Variants in MUC5AC observed in about 807,000 individuals in gnomAD.
MUC5AC encodes the protein mucin 5AC, oligomeric mucus/gel-forming.
MUC5AC carries 158 observed loss-of-function variants against 169.7 expected under a neutral mutation model. That is an observed-to-expected ratio of 0.93 (90% confidence interval 0.82 to 1.06). MUC5AC has a LOEUF of 1.06. MUC5AC is among the 50% of genes least tolerant of loss of function. MUC5AC has a pLI of 0.00. For synonymous variants in MUC5AC, 1,975 were observed against 1,237.0 expected (o/e 1.60, Z -12.52); for missense variants, 4,359 against 3,089.9 (o/e 1.41, Z -9.74).
At position 1,189,784 on chromosome 11, in the gene MUC5AC, C is replaced by A; in HGVS notation, c.11639C>A (p.Thr3880Asn). Residue 3880 changes from threonine to asparagine, a missense_variant, in exon 31 of 49, where the codon ACC (threonine) becomes AAC (asparagine). Physicochemically the swap from Thr to Asn is moderately conservative, Grantham distance 65. Coordinates refer to ENST00000621226, the MANE Select transcript of MUC5AC (RefSeq NM_001304359.2). The part of the protein sequence containing the change: ...STISAPTTST[T>N]SFHTTSTTSP... ...ATCTCTGCCCCTACAACCAGCACAA[C>A]CTCTTTCCATACAACCAGCACAACC... The A allele has an allele frequency of 1.4e-6, 1 of 703,042 alleles. No individual in the cohort carries two copies. Among genetic ancestry groups the A allele is most frequent in the Non-Finnish European group, 2.6e-6 (1 of 385,914 alleles). 43.6% of individuals were successfully genotyped at this position (703,042 alleles called of 1,614,324 possible).
At chr11:1,171,266 TCACTCACC>T (rs1860516259) in intron 15 of MUC5AC, among the ~76,000 whole-genome samples, 1 of 82,102 alleles carries the variant, frequency 1.2e-5, no homozygotes, top group Non-Finnish European at 2.6e-5. Context: ...ACTCACCCAC[TCACTCACC>T]CACTCACTCA....
In MUC5AC at chr11:1,161,978, G is replaced by A. The variant is rs749110363; in HGVS notation, c.283G>A (p.Asp95Asn). Reference protein sequence around the residue: ...GSFHYKTFDGDVFRFPGLCNY... With the variant: ...GSFHYKTFDGNVFRFPGLCNY... ...CTTCCACTACAAGACCTTCGACGGC[G>A]ACGTCTTCCGCTTCCCCGGCCTCTG... The change falls in exon 4 of 49, where the codon GAC (aspartate) becomes AAC (asparagine). Residue 95 changes from aspartate (D) to asparagine (N), a missense_variant. Transcript: ENST00000621226. 7 of 1,612,230 alleles carry A rather than the reference G, an allele frequency of 4.3e-6. No homozygotes were observed. Among genetic ancestry groups the A allele is most frequent in the South Asian group, 2.2e-5 (2 of 91,000 alleles).
rs946847277 is a variant in MUC5AC at position 1,181,340 on chromosome 11, C to T, written c.3890C>T (p.Thr1297Met). ...GTCATCTACCACACGACGGATGGCA[C>T]GGGTGGCTGCATCTCCGCCCGCTGC... ...GDVIYHTTDGTGGCISARCGA... is the reference protein window; with the variant it reads ...GDVIYHTTDGMGGCISARCGA... Residue 1297 changes from threonine (T) to methionine (M), a missense_variant, in exon 30 of 49, where the codon ACG becomes ATG. Coordinates refer to ENST00000621226, the MANE Select transcript of MUC5AC (RefSeq NM_001304359.2). 8.7e-4 allele frequency: 346 copies of T among 398,714 alleles called. No homozygotes were observed. Among genetic ancestry groups the T allele is most frequent in the African/African-American group, 6.3e-3 (309 of 48,742 alleles). The allele number at this position is 398,714 out of a possible 1,614,324, so 24.7% of individuals were successfully genotyped here. A position where few individuals can be genotyped will look rare whatever the true frequency, so the allele number is the denominator to read the frequency against.
At chr11:1,164,796 C>G (rs577998956) in intron 9 of MUC5AC, among the ~76,000 whole-genome samples, 1 of 147,904 alleles carries the variant, frequency 6.8e-6, no homozygotes, top group Non-Finnish European at 1.5e-5. Context: ...TGCCCCTGTC[C>G]CGGGCCCCTG....
chr11:1,164,106 G>A lies in MUC5AC; in HGVS notation c.790G>A (p.Gly264Ser). 3 of 1,612,096 alleles carry A rather than the reference G, an allele frequency of 1.9e-6. No homozygotes were observed. Among genetic ancestry groups the A allele is most frequent in the Non-Finnish European group, 2.5e-6 (3 of 1,179,818 alleles). Residue 264 changes from glycine (G) to serine (S), a missense_variant and splice_region_variant, in exon 8 of 49, where the codon GGC becomes AGC. Physicochemically the swap from Gly to Ser is moderately conservative, Grantham distance 56. Transcript: ENST00000621226. ...EPPRNCSTGF[G>S]ICEELLHGQL... is the part of the protein sequence containing the mutation. ...AGACGGGCTGTGGCCTTTGTCCTAG[G>A]GCATCTGTGAGGAGCTCCTGCACGG...
In MUC5AC at chr11:1,164,146, G is replaced by T. The variant is rs754958995; in HGVS notation, c.830G>T (p.Gly277Val). The T allele has an allele frequency of 6.2e-7, 1 of 1,612,340 alleles. No individual in the cohort carries two copies. Among genetic ancestry groups the T allele is most frequent in the Non-Finnish European group, 8.5e-7 (1 of 1,179,866 alleles). The change falls in exon 8 of 49, where the codon GGC becomes GTC. Residue 277 changes from glycine (G) to valine (V), a missense_variant. Transcript: ENST00000621226. ...CTCCTGCACGGCCAGCTGTTCTCTG[G>T]CTGCGTGGCCCTGGTGGACGTCGGC... ...EELLHGQLFS[G>V]CVALVDVGSY...
chr11:1,174,481 C>T lies in MUC5AC; in HGVS notation c.1966-15C>T, dbSNP rs1371116439. 1.3e-6 allele frequency: 2 copies of T among 1,497,366 alleles called. No homozygotes were observed. The highest frequency in any genetic ancestry group is 2.4e-5 in the South Asian group (2 of 82,032). The allele number at this position is 1,497,366 out of a possible 1,614,324, so 92.8% of individuals were successfully genotyped here. On this transcript the variant is annotated splice_polypyrimidine_tract_variant and intron_variant, in intron 16 of 48. Coordinates refer to ENST00000621226, the MANE Select transcript of MUC5AC (RefSeq NM_001304359.2). ...GCTGGGGTCTCTGATGCCCCGATGA[C>T]CCCCTTCCCTGCAGAACTGCATGTT...
chr11:1,187,123 C>T lies in MUC5AC; in HGVS notation c.8978C>T (p.Thr2993Ile). Residue 2993 changes from threonine to isoleucine, a missense_variant, in exon 31 of 49, where the codon ACA becomes ATA. Transcript: ENST00000621226. ...VPTTSTTSAP[T>I]TSTTSAPTTS... ...ACCACCAGCACAACCTCTGCTCCCACAACAAGCACAACCTCTGCCCCTACA... is the reference window on the plus strand; with the variant it reads ...ACCACCAGCACAACCTCTGCTCCCATAACAAGCACAACCTCTGCCCCTACA... 1 of 721,836 alleles carries T rather than the reference C, an allele frequency of 1.4e-6. No homozygotes were observed. The highest frequency in any genetic ancestry group is 1.4e-5 in the South Asian group (1 of 69,414). 44.7% of individuals were successfully genotyped at this position (721,836 alleles called of 1,614,324 possible).
chr11:1,165,415 A>T lies in MUC5AC; in HGVS notation c.1243A>T (p.Asn415Tyr). ...PGATYSTDCT[N>Y]CTCSGGRWSC... is the part of the protein sequence containing the mutation. ...GGCCACCTACTCCACAGACTGCACCAACTGGTAGGTCCCAGCCCCCCTCCA... is the reference window on the plus strand; with the variant it reads ...GGCCACCTACTCCACAGACTGCACCTACTGGTAGGTCCCAGCCCCCCTCCA... Residue 415 changes from asparagine (N) to tyrosine (Y), a missense_variant, in exon 10 of 49, where the codon AAC (asparagine) becomes TAC (tyrosine). Physicochemically the swap from Asn to Tyr is moderately radical, Grantham distance 143. Coordinates refer to ENST00000621226, the MANE Select transcript of MUC5AC (RefSeq NM_001304359.2). 6.3e-7 allele frequency: 1 copy of T among 1,596,744 alleles called. No homozygotes were observed. The highest frequency in any genetic ancestry group is 8.5e-7 in the Non-Finnish European group (1 of 1,175,314).
chr11:1,163,123 A>G (rs1159012116), intron 6 of MUC5AC, 78 bp downstream of exon 6: 1 of 1,353,464 alleles, frequency 7.4e-7, no homozygotes, highest in East Asian at 2.3e-5. Context: ...ACACCCTCTG[A>G]CACTCCGGGC....
intron 48 of MUC5AC, 131 bp from the exon 49 acceptor site, chr11:1,200,307 T>G: frequency 1.7e-6 from 1 of 600,984 alleles, no homozygotes; most frequent in East Asian, 2.8e-5. Flanking sequence ...GAGAGCTGGT[T>G]GTCAGACACT....
chr11:1,199,433 G>A lies in MUC5AC; in HGVS notation c.16458G>A (p.Gln5486=). The A allele has an allele frequency of 4.1e-6, 3 of 732,152 alleles. No individual in the cohort carries two copies. Among genetic ancestry groups the A allele is most frequent in the East Asian group, 2.6e-5 (1 of 39,160 alleles). 45.4% of individuals were successfully genotyped at this position (732,152 alleles called of 1,614,324 possible). ...TGACCCACCAGTGTGAGAAGCACCA[G>A]GATGGGCTCGTGGTGGTCACCACGA... is the stretch of plus-strand genomic sequence containing the variant. The part of the protein sequence containing the change: ...HCVTHQCEKH[Q]DGLVVVTTKK... Residue 5486 remains glutamine (Q), a synonymous_variant, in exon 46 of 49, where the codon CAG becomes CAA. Coordinates refer to ENST00000621226, the MANE Select transcript of MUC5AC (RefSeq NM_001304359.2).
rs139228958 is a variant in MUC5AC at position 1,196,644 on chromosome 11, C to T, written c.15753C>T (p.Thr5251=). 15 of 762,700 alleles carry T rather than the reference C, an allele frequency of 2.0e-5. No individual in the cohort carries two copies. The highest frequency in any genetic ancestry group is 6.8e-5 in the African/African-American group (4 of 59,226). 47.2% of individuals were successfully genotyped at this position (762,700 alleles called of 1,614,324 possible). A position where few individuals can be genotyped will look rare whatever the true frequency, so the allele number is the denominator to read the frequency against. The change falls in exon 39 of 49, where the codon ACC becomes ACT. Residue 5251 remains threonine (T), a synonymous_variant. Coordinates refer to ENST00000621226, the MANE Select transcript of MUC5AC (RefSeq NM_001304359.2). ...LGALPEAGPI[T]EGCFCPEGMT... is the part of the protein sequence containing the mutation. ...CTCTGCCGGAGGCCGGCCCCATCAC[C>T]GAAGGCTGCTTCTGTCCGGAGGGCA...
At position 1,187,723 on chromosome 11, in the gene MUC5AC, C is replaced by T. The variant is rs1554928342; in HGVS notation, c.9578C>T (p.Thr3193Ile). 10 of 765,064 alleles carry T rather than the reference C, an allele frequency of 1.3e-5. No individual in the cohort carries two copies. Among genetic ancestry groups the T allele is most frequent in the East Asian group, 7.3e-5 (3 of 41,264 alleles). 47.4% of individuals were successfully genotyped at this position (765,064 alleles called of 1,614,324 possible). A position where few individuals can be genotyped will look rare whatever the true frequency, so the allele number is the denominator to read the frequency against. ...GPGTTPSPVP[T>I]TSTASVSKTS... ...GGAACCACTCCCAGCCCCGTTCCCA[C>T]CACCAGCACAGCCTCTGTTTCAAAG... Residue 3193 changes from threonine (T) to isoleucine (I), a missense_variant, in exon 31 of 49, where the codon ACC (threonine) becomes ATC (isoleucine). Physicochemically the swap from Thr to Ile is moderately conservative, Grantham distance 89 (BLOSUM62 -1). Coordinates refer to ENST00000621226, the MANE Select transcript of MUC5AC (RefSeq NM_001304359.2).
At position 1,197,600 on chromosome 11, in the gene MUC5AC, G is replaced by T; in HGVS notation, c.15994G>T (p.Ala5332Ser). ...PLPGFVPVPA[A>S]PQAGQCCPQY... is the part of the protein sequence containing the mutation. ...GCCCGGCTTCGTGCCTGTGCCTGCAGCCCCACAGGCCGGCCAGTGCTGCCC... is the reference window on the plus strand; with the variant it reads ...GCCCGGCTTCGTGCCTGTGCCTGCATCCCCACAGGCCGGCCAGTGCTGCCC... Residue 5332 changes from alanine to serine, a missense_variant, in exon 41 of 49, where the codon GCC (alanine) becomes TCC (serine). Physicochemically the swap from Ala to Ser is moderately conservative, Grantham distance 99. Transcript: ENST00000621226. The T allele has an allele frequency of 1.4e-6, 1 of 726,380 alleles. No individual in the cohort carries two copies. The highest frequency in any genetic ancestry group is 1.7e-5 in the African/African-American group (1 of 58,222). The allele number at this position is 726,380 out of a possible 1,614,324, so 45.0% of individuals were successfully genotyped here. A position where few individuals can be genotyped will look rare whatever the true frequency, so the allele number is the denominator to read the frequency against.
Position 1,187,213 on chromosome 11 carries a change from C to A in MUC5AC, c.9068C>A (p.Ala3023Asp). ...PSAPTTSTTL[A>D]PTTSTTSAPT... ...GCCCCTACAACCAGCACAACCTTAG[C>A]TCCTACAACCAGCACAACCTCTGCC... Residue 3023 changes from alanine to aspartate, a missense_variant, in exon 31 of 49, where the codon GCT becomes GAT. Transcript: ENST00000621226. 1 of 700,612 alleles carries A rather than the reference C, an allele frequency of 1.4e-6. No individual in the cohort carries two copies. Among genetic ancestry groups the A allele is most frequent in the Non-Finnish European group, 2.6e-6 (1 of 385,074 alleles). The allele number at this position is 700,612 out of a possible 1,614,324, so 43.4% of individuals were successfully genotyped here. A position where few individuals can be genotyped will look rare whatever the true frequency, so the allele number is the denominator to read the frequency against.
intron 42 of MUC5AC, 80 bp downstream of exon 42, chr11:1,198,084 G>A (rs1398060199): frequency 3.1e-6 from 2 of 643,390 alleles, no homozygotes; most frequent in Middle Eastern, 2.5e-4. Flanking sequence ...ATAACCAGAT[G>A]CCAGTGCGGC....
At position 1,199,586 on chromosome 11, in the gene MUC5AC, C is replaced by T. The variant is rs978969978; in HGVS notation, c.16515+96C>T. On this transcript the variant is annotated intron_variant, in intron 46 of 48. Transcript: ENST00000621226. ...TCCCTGCAGCGCCAGCAGACACCCC[C>T]TCCTGCTTGGGGCTGTCCACTCCTG... is the stretch of plus-strand genomic sequence containing the variant. 4.2e-5 allele frequency: 29 copies of T among 692,046 alleles called. No individual in the cohort carries two copies. In the African/African-American group the frequency reaches 4.6e-4, roughly 11 times the overall value. The allele number at this position is 692,046 out of a possible 1,614,324, so 42.9% of individuals were successfully genotyped here.
In MUC5AC at chr11:1,187,180, C is replaced by T; in HGVS notation, c.9035C>T (p.Thr3012Ile). 4.3e-6 allele frequency: 3 copies of T among 705,468 alleles called. No individual in the cohort carries two copies. Among genetic ancestry groups the T allele is most frequent in the Non-Finnish European group, 5.2e-6 (2 of 387,830 alleles). 43.7% of individuals were successfully genotyped at this position (705,468 alleles called of 1,614,324 possible). Residue 3012 changes from threonine to isoleucine, a missense_variant, in exon 31 of 49, where the codon ACA becomes ATA. Transcript: ENST00000621226. ...ACAATCTCGGCCCCAACAACCAGCA[C>T]ACCCTCTGCCCCTACAACCAGCACA... ...TSTISAPTTS[T>I]PSAPTTSTTL...
Sources: gnomAD v4.1 joint callset for allele counts (sites outside exome capture counted in the v4.1 genomes callset) on GRCh38, gnomAD v4.1.1 for gene constraint, MANE v1.5 for transcripts, NCBI Gene and HGNC (gene_info 2026-07-23, HGNC 2026-07-21) for gene names.